Variants in UBE2R2 observed in about 807,000 individuals in gnomAD.
The protein encoded by UBE2R2 is ubiquitin conjugating enzyme E2 R2, also known as ubiquitin-conjugating enzyme E2 R2.
In UBE2R2, 1 loss-of-function variant was observed where a neutral mutation model predicts 27.8. That is an observed-to-expected ratio of 0.04 (90% CI 0.01 to 0.17). UBE2R2 has a LOEUF of 0.17. Among genes scored for constraint, UBE2R2 ranks in the 10% least tolerant of loss-of-function variants. UBE2R2 has a pLI of 1.00. For synonymous variants in UBE2R2, 106 were observed against 113.3 expected, an observed-to-expected ratio of 0.94 and a Z score of 0.41; for missense variants, 100 against 291.0, an observed-to-expected ratio of 0.34 and a Z score of 4.78.
chr9:33,903,804 A>G (rs1822295944), intron 3 of UBE2R2, among the ~76,000 whole-genome samples: 1 of 152,072 alleles, frequency 6.6e-6, no homozygotes, highest in African/African-American at 2.4e-5. Flanking sequence ...CCCATACTCA[A>G]ATCAAGATTG....
rs577924310 is a variant in UBE2R2 at position 33,854,406 on chromosome 9, G to A, written c.178-32475G>A. ...ACAATCTCAGCTCACTGCAACTTCC[G>A]CCTCCTGGATTCAAGCGATTCTCCT... On this transcript the variant is annotated intron_variant, in intron 1 of 4. Coordinates refer to ENST00000263228, the MANE Select transcript of UBE2R2 (RefSeq NM_017811.4). Among the ~76,000 whole-genome samples, 4 of 151,472 alleles carry A rather than the reference G, an allele frequency of 2.6e-5. No homozygotes were observed. In the East Asian group the frequency reaches 5.8e-4, roughly 22 times the overall value.
chr9:33,852,333 G>C (rs1226719916), intron 1 of UBE2R2, among the ~76,000 whole-genome samples: 4 of 152,128 alleles, frequency 2.6e-5, no homozygotes, highest in African/African-American at 9.7e-5. Context: ...GATCACACTA[G>C]TGTTATTTCT....
intron 1 of UBE2R2, among the ~76,000 whole-genome samples, chr9:33,863,729 C>T (rs1821298761): frequency 1.3e-5 from 2 of 152,186 alleles, no homozygotes; most frequent in South Asian, 2.1e-4. Flanking sequence ...GTGTCATTCA[C>T]TCTGCTGGAG....
intron 1 of UBE2R2, among the ~76,000 whole-genome samples, chr9:33,841,487 A>C (rs1294053158): frequency 6.6e-6 from 1 of 152,102 alleles, no homozygotes; most frequent in Non-Finnish European, 1.5e-5. Context: ...CAGGTGTTGC[A>C]GGCTTATCTT....
At chr9:33,819,815 T>C (rs1404285012) in intron 1 of UBE2R2, among the ~76,000 whole-genome samples, 1 of 152,164 alleles carries the variant, frequency 6.6e-6, no homozygotes, top group African/African-American at 2.4e-5. Flanking sequence ...ATTTTTGTAT[T>C]TTTAGTAGAG....
chr9:33,832,598 G>A (rs535390798), intron 1 of UBE2R2, among the ~76,000 whole-genome samples: 16 of 151,146 alleles, frequency 1.1e-4, no homozygotes, highest in Admixed American at 4.0e-4. Context: ...CGGAGGTTGC[G>A]GTGAGAGCCG....
chr9:33,884,229 T>TCTCTCTCTCTCTCTCC (rs1313176322), intron 1 of UBE2R2, among the ~76,000 whole-genome samples: 1 of 146,304 alleles, frequency 6.8e-6, no homozygotes, highest in African/African-American at 2.5e-5. Flanking sequence ...TCTCTCTCTC[T>TCTCTCTCTCTCTCTCC]CTCTCTTCCC....
At chr9:33,883,668 T>A (rs933144533) in intron 1 of UBE2R2, among the ~76,000 whole-genome samples, 1 of 148,200 alleles carries the variant, frequency 6.7e-6, no homozygotes, top group African/African-American at 2.5e-5. Flanking sequence ...TGAGCCGAGA[T>A]TGCACCACTG....
intron 1 of UBE2R2, among the ~76,000 whole-genome samples, chr9:33,821,843 CCCT>C (rs1351814008): frequency 1.3e-5 from 2 of 151,710 alleles, no homozygotes; most frequent in Admixed American, 6.6e-5. Context: ...GGTCTTGAAC[CCCT>C]GACCTTAAGT....
intron 1 of UBE2R2, 97 bp downstream of exon 1, chr9:33,818,031 G>A (rs762148487): frequency 3.3e-4 from 465 of 1,423,164 alleles, no homozygotes; most frequent in Non-Finnish European, 4.3e-4. Flanking sequence ...ATGAGCACGG[G>A]CGAGTGGAGG....
At chr9:33,916,254 T>C (rs1822638763) in intron 4 of UBE2R2, among the ~76,000 whole-genome samples, 1 of 152,152 alleles carries the variant, frequency 6.6e-6, no homozygotes. Flanking sequence ...GGCAGGAGAA[T>C]TGCTTGAACC....
intron 1 of UBE2R2, among the ~76,000 whole-genome samples, chr9:33,875,954 A>G (rs1260027887): frequency 1.3e-5 from 2 of 152,256 alleles, no homozygotes; most frequent in South Asian, 2.1e-4. Context: ...TAAAATTTCA[A>G]AAAGGGAAGA....
At chr9:33,849,571 A>G (rs1299593973) in intron 1 of UBE2R2, among the ~76,000 whole-genome samples, 1 of 151,448 alleles carries the variant, frequency 6.6e-6, no homozygotes, top group Non-Finnish European at 1.5e-5. Flanking sequence ...TGTTTTAAGA[A>G]TCAAGAGTAT....
At chr9:33,893,395 C>T (rs1171979761) in intron 2 of UBE2R2, among the ~76,000 whole-genome samples, 3 of 152,154 alleles carry the variant, frequency 2.0e-5, no homozygotes, top group African/African-American at 7.2e-5. Flanking sequence ...TGTATCAGTA[C>T]TTCATTCCTC....
chr9:33,869,812 A>G (rs1821445976), intron 1 of UBE2R2, among the ~76,000 whole-genome samples: 1 of 151,420 alleles, frequency 6.6e-6, no homozygotes, highest in Non-Finnish European at 1.5e-5. Flanking sequence ...TTGCCTAGAT[A>G]TTTTTTATTT....
rs1254266066 is a variant in UBE2R2 at position 33,919,940 on chromosome 9, T to TC, written c.*2709dup. 1.3e-5 allele frequency: 2 copies of TC among 152,210 alleles called. No individual in the cohort carries two copies. Among genetic ancestry groups the TC allele is most frequent in the Non-Finnish European group, 1.5e-5 (1 of 68,038 alleles). The allele number at this position is 152,210 out of a possible 1,614,324, so 9.4% of individuals were successfully genotyped here. ...ATTCTGCTGTTGATTCTTTCAGTCTTCCCCCCTTCTCCTTTTATCAATCAT... is the reference window on the plus strand; with the variant it reads ...ATTCTGCTGTTGATTCTTTCAGTCTTCCCCCCCTTCTCCTTTTATCAATCAT... On this transcript the variant is annotated 3_prime_UTR_variant, in exon 5 of 5. Transcript: ENST00000263228.
At chr9:33,905,819 T>TA in intron 3 of UBE2R2, among the ~76,000 whole-genome samples, 1 of 152,206 alleles carries the variant, frequency 6.6e-6, no homozygotes, top group South Asian at 2.1e-4. Context: ...CATCCTTTGA[T>TA]AGAGTGGAAA....
At chr9:33,842,785 A>G (rs916313680) in intron 1 of UBE2R2, among the ~76,000 whole-genome samples, 11 of 152,150 alleles carry the variant, frequency 7.2e-5, no homozygotes, top group African/African-American at 2.7e-4. Flanking sequence ...AAGCGCTACA[A>G]TTGCACAGTT....
intron 1 of UBE2R2, among the ~76,000 whole-genome samples, chr9:33,837,740 G>T (rs989200740): frequency 6.6e-6 from 1 of 151,822 alleles, no homozygotes; most frequent in African/African-American, 2.4e-5. Context: ...TTTTAATAGA[G>T]ACAGTGTCTC....
Sources: gnomAD v4.1 joint callset for allele counts (sites outside exome capture counted in the v4.1 genomes callset) on GRCh38, gnomAD v4.1.1 for gene constraint, MANE v1.5 for transcripts, NCBI Gene and HGNC (gene_info 2026-07-23, HGNC 2026-07-21) for gene names.